Variants in CSMD1 observed in about 807,000 individuals in gnomAD.
CSMD1 encodes the protein CUB and sushi domain-containing protein 1.
Under a neutral mutation model 417.5 loss-of-function variants are expected in CSMD1, and 213 were observed. The ratio of observed to expected loss-of-function variants is 0.51; its 90% confidence interval spans 0.46 to 0.57. The LOEUF (loss-of-function observed/expected upper bound fraction) is 0.57, where lower values mean the gene tolerates loss of function less well. CSMD1 is among the 20% of genes least tolerant of loss of function. The probability of loss-of-function intolerance (pLI) is 0.00; values close to 1 mark genes in which losing one functional copy is unlikely to be tolerated. For missense variants in CSMD1, 6,923 were observed against 4,529.7 expected, an observed-to-expected ratio of 1.53 and a Z score of -15.17; for synonymous variants, 2,862 against 1,736.8, an observed-to-expected ratio of 1.65 and a Z score of -16.11.
intron 21 of CSMD1, among the ~76,000 whole-genome samples, chr8:3,348,997 C>A (rs1808207640): frequency 6.6e-6 from 1 of 152,180 alleles, no homozygotes; most frequent in African/African-American, 2.4e-5. Flanking sequence ...GGTGCACACA[C>A]ACACAGAGGT....
chr8:3,032,672 AGT>A (rs1353633438), intron 50 of CSMD1, among the ~76,000 whole-genome samples: 1 of 151,936 alleles, frequency 6.6e-6, no homozygotes, highest in Non-Finnish European at 1.5e-5. Context: ...GCCTGAAAAC[AGT>A]GTCTTCCTGC....
chr8:3,838,927 T>TATAC (rs1491270442), intron 5 of CSMD1, among the ~76,000 whole-genome samples: 4 of 49,918 alleles, frequency 8.0e-5, no homozygotes, highest in African/African-American at 6.4e-4. Context: ...ATAGTCTCTC[T>TATAC]ATTTATATAT....
chr8:3,187,799 T>C (rs1478511616), intron 36 of CSMD1, 70 bp downstream of exon 36: 39 of 1,121,764 alleles, frequency 3.5e-5, no homozygotes, highest in African/African-American at 3.1e-5. Context: ...GTGTTTGCTG[T>C]TATTTATGTT....
intron 1 of CSMD1, among the ~76,000 whole-genome samples, chr8:4,671,268 G>A (rs895702177): frequency 6.6e-6 from 1 of 152,042 alleles, no homozygotes; most frequent in Non-Finnish European, 1.5e-5. Context: ...GTGACTATTA[G>A]GGCAGGTTAC....
intron 4 of CSMD1, among the ~76,000 whole-genome samples, chr8:4,005,506 G>T (rs1439175846): frequency 6.6e-6 from 1 of 152,086 alleles, no homozygotes; most frequent in Non-Finnish European, 1.5e-5. Context: ...AAATCATGTG[G>T]CGATACACTT....
chr8:3,830,574 T>C (rs1447137689), intron 5 of CSMD1, among the ~76,000 whole-genome samples: 1 of 152,178 alleles, frequency 6.6e-6, no homozygotes, highest in East Asian at 1.9e-4. Context: ...AATAAGTTAT[T>C]ATTGAAGAAT....
intron 5 of CSMD1, among the ~76,000 whole-genome samples, chr8:3,962,130 T>C (rs991845956): frequency 6.6e-6 from 1 of 152,132 alleles, no homozygotes; most frequent in Non-Finnish European, 1.5e-5. Flanking sequence ...TCTTTCTGTG[T>C]CCAGCCCACA....
chr8:4,766,170 G>C (rs1303385574), intron 1 of CSMD1, among the ~76,000 whole-genome samples: 1 of 152,158 alleles, frequency 6.6e-6, no homozygotes, highest in Non-Finnish European at 1.5e-5. Context: ...CTGTAGACCT[G>C]ATGCATTTTC....
chr8:3,011,103 C>T (rs1388823546), intron 52 of CSMD1, among the ~76,000 whole-genome samples: 1 of 152,122 alleles, frequency 6.6e-6, no homozygotes, highest in Non-Finnish European at 1.5e-5. Flanking sequence ...AAAAGAAGAA[C>T]CAATCTTATT....
At chr8:3,842,111 C>A (rs535556012) in intron 5 of CSMD1, among the ~76,000 whole-genome samples, 21 of 152,296 alleles carry the variant, frequency 1.4e-4, no homozygotes, top group Non-Finnish European at 2.8e-4. Context: ...TGCCTTCATT[C>A]TGCCTAATTC....
rs1815166746 is a variant in CSMD1 at position 3,995,779 on chromosome 8, C to A, written c.818+2124G>T. On this transcript the variant is annotated intron_variant, in intron 5 of 69. Transcript: ENST00000635120. ...CCCAAGAATACAAGTATAAATACAA[C>A]TCTATCCCCGGCTAATCATGGCTAT... Among the ~76,000 whole-genome samples the A allele has an allele frequency of 2.0e-5, 3 of 152,334 alleles. No homozygotes were observed. In the Middle Eastern group the frequency reaches 0.01, roughly 518 times the overall value.
rs73658891 is a variant in CSMD1, at chr8:4,434,779, C to T, written c.303-14714G>A. ...GACTGTCAAATACACACCCTTTCCA[C>T]ACTCCAGACCCTGCACCGCCCATGA... On this transcript the variant is annotated intron_variant, in intron 2 of 69. Coordinates refer to ENST00000635120, the MANE Select transcript of CSMD1 (RefSeq NM_033225.6). 3.2e-3 allele frequency among the ~76,000 whole-genome samples: 490 copies of T among 152,268 alleles called. 3 individuals are homozygous for T. Among genetic ancestry groups the T allele is most frequent in the African/African-American group, 0.011 (467 of 41,560 alleles).
chr8:3,524,258 C>A (rs1280546574), intron 10 of CSMD1, among the ~76,000 whole-genome samples: 1 of 151,102 alleles, frequency 6.6e-6, no homozygotes, highest in Non-Finnish European at 1.5e-5. Context: ...GAGACATACA[C>A]ACAAGCACAC....
intron 26 of CSMD1, among the ~76,000 whole-genome samples, chr8:3,275,614 G>C (rs1470779471): frequency 6.6e-6 from 1 of 152,126 alleles, no homozygotes; most frequent in African/African-American, 2.4e-5. Flanking sequence ...ATTTCTTGGA[G>C]GCTTTGCTCG....
chr8:3,098,324 T>G (rs75368746), intron 46 of CSMD1, among the ~76,000 whole-genome samples: 3,161 of 152,344 alleles, frequency 0.021, 134 homozygotes, highest in East Asian at 0.19. Context: ...TAGAAGCTTT[T>G]CAAACAGATG....
At chr8:3,269,682 G>T (rs1801696402) in intron 26 of CSMD1, among the ~76,000 whole-genome samples, 1 of 152,208 alleles carries the variant, frequency 6.6e-6, no homozygotes, top group Non-Finnish European at 1.5e-5. Flanking sequence ...TTAACCCCCA[G>T]AGTAAAGGTC....
chr8:4,193,734 G>C (rs79329124), intron 3 of CSMD1, among the ~76,000 whole-genome samples: 2 of 152,238 alleles, frequency 1.3e-5, no homozygotes, highest in African/African-American at 4.8e-5. Context: ...CTCCACAGGA[G>C]AATGTTTAAC....
At chr8:3,363,925 A>G (rs1011959622) in intron 20 of CSMD1, among the ~76,000 whole-genome samples, 1 of 152,178 alleles carries the variant, frequency 6.6e-6, no homozygotes, top group Non-Finnish European at 1.5e-5. Flanking sequence ...CAACTGGAAT[A>G]CGGGGCTCTT....
chr8:4,877,468 A>T (rs1803122813), intron 1 of CSMD1, among the ~76,000 whole-genome samples: 1 of 152,032 alleles, frequency 6.6e-6, no homozygotes, highest in African/African-American at 2.4e-5. Context: ...ATAAAGTCAT[A>T]TTTGCTATTT....
Sources: allele counts gnomAD v4.1 joint callset (sites outside exome capture counted in the v4.1 genomes callset), GRCh38; gene constraint gnomAD v4.1.1; transcripts MANE v1.5; gene names NCBI Gene and HGNC (gene_info 2026-07-23, HGNC 2026-07-21).